The following TBCEL variants were observed in gnomAD, a reference collection of about 807,000 sequenced individuals.
The protein encoded by TBCEL is tubulin folding cofactor E like, also known as tubulin-specific chaperone cofactor E-like protein.
TBCEL carries 15 observed loss-of-function variants against 44.2 expected under a neutral mutation model. The ratio of observed to expected loss-of-function variants is 0.34; its 90% CI spans 0.23 to 0.52. The LOEUF (loss-of-function observed/expected upper bound fraction) is 0.52, where lower values mean the gene tolerates loss of function less well. TBCEL is among the 20% of genes least tolerant of loss of function. The probability of loss-of-function intolerance (pLI) is 0.95; values close to 1 mark genes in which losing one functional copy is unlikely to be tolerated. For missense variants in TBCEL, 319 were observed against 506.3 expected, an observed-to-expected ratio of 0.63 and a Z score of 3.55; for synonymous variants, 171 against 185.4, an observed-to-expected ratio of 0.92 and a Z score of 0.63.
chr11:121,078,105 G>A (rs906607890), intron 8 of TBCEL, among the ~76,000 whole-genome samples: 1 of 151,974 alleles, frequency 6.6e-6, no homozygotes, highest in African/African-American at 2.4e-5. Context: ...TTCTGATATT[G>A]TTGGTGGGCA....
rs1377656481 is a variant in TBCEL, at chr11:121,051,952, C to T, written c.274-1599C>T. On this transcript the variant is annotated intron_variant, in intron 4 of 8. Coordinates refer to ENST00000683345, the MANE Select transcript of TBCEL (RefSeq NM_001363644.2). ...GTACAGATTACTTTTTCTTTCTACC[C>T]ATGGTTCTCCCTCCTGGATACTCTT... 2.6e-5 allele frequency among the ~76,000 whole-genome samples: 4 copies of T among 151,830 alleles called. No individual in the cohort carries two copies. The East Asian group carries it at 7.8e-4, about 29-fold the overall frequency.
At chr11:121,059,202 A>G (rs1945675294) in intron 7 of TBCEL, among the ~76,000 whole-genome samples, 1 of 152,004 alleles carries the variant, frequency 6.6e-6, no homozygotes, top group African/African-American at 2.4e-5. Flanking sequence ...TCTAATGCTT[A>G]GCAGATCCTT....
chr11:121,047,930 T>TA, intron 4 of TBCEL: 1 of 172,640 alleles, frequency 5.8e-6, no homozygotes, highest in Non-Finnish European at 1.1e-5. Flanking sequence ...AACCCATCTT[T>TA]AATTTAAAAA....
intron 2 of TBCEL, among the ~76,000 whole-genome samples, chr11:121,040,176 T>C (rs1320858308): frequency 6.6e-6 from 1 of 152,160 alleles, no homozygotes; most frequent in African/African-American, 2.4e-5. Context: ...CCTTTTTTAA[T>C]CTCTACAGTC....
intron 4 of TBCEL, among the ~76,000 whole-genome samples, chr11:121,051,117 A>G (rs1945520924): frequency 6.6e-6 from 1 of 151,494 alleles, no homozygotes; most frequent in Non-Finnish European, 1.5e-5. Flanking sequence ...AACATTTGTT[A>G]TTTTTCCTGC....
chr11:121,033,916 A>G (rs538050787), intron 1 of TBCEL, among the ~76,000 whole-genome samples: 2 of 151,100 alleles, frequency 1.3e-5, no homozygotes, highest in African/African-American at 4.9e-5. Flanking sequence ...GTTCTAGCTT[A>G]TTTCATTTAG....
chr11:121,074,414 A>G (rs1297869456), intron 8 of TBCEL, among the ~76,000 whole-genome samples: 1 of 151,944 alleles, frequency 6.6e-6, no homozygotes, highest in Non-Finnish European at 1.5e-5. Flanking sequence ...TTTCTTTTTC[A>G]TTTAACCATA....
At chr11:121,067,077 T>G (rs1012058096) in intron 8 of TBCEL, among the ~76,000 whole-genome samples, 7 of 152,194 alleles carry the variant, frequency 4.6e-5, no homozygotes, top group Non-Finnish European at 8.8e-5. Context: ...ATGAAATAGC[T>G]CTAATTAACT....
Position 121,090,481 on chromosome 11 carries a change from C to G in TBCEL, c.*3385C>G, listed in dbSNP as rs538885272. Reference sequence around the variant, plus strand: ...TTTCATGTCATATTGAAAATGCAAACAAACTGCTCTCAAGAACACCCAGAA... The same window carrying G: ...TTTCATGTCATATTGAAAATGCAAAGAAACTGCTCTCAAGAACACCCAGAA... On this transcript the variant is annotated 3_prime_UTR_variant, in exon 9 of 9. Coordinates refer to ENST00000683345, the MANE Select transcript of TBCEL (RefSeq NM_001363644.2). The G allele has an allele frequency of 1.3e-5, 2 of 152,056 alleles. No homozygotes were observed. The highest frequency in any genetic ancestry group is 3.9e-4 in the East Asian group (2 of 5,190). The allele number at this position is 152,056 out of a possible 1,614,324, so 9.4% of individuals were successfully genotyped here.
chr11:121,079,116 A>G (rs1402017171), intron 8 of TBCEL, among the ~76,000 whole-genome samples: 1 of 152,248 alleles, frequency 6.6e-6, no homozygotes. Context: ...TACTAAATTC[A>G]CTTCAAGATA....
At chr11:121,051,513 C>T (rs1412819192) in intron 4 of TBCEL, among the ~76,000 whole-genome samples, 2 of 151,650 alleles carry the variant, frequency 1.3e-5, no homozygotes, top group African/African-American at 4.8e-5. Flanking sequence ...GAAAGTTCTT[C>T]GTATCGGTAT....
At position 121,090,012 on chromosome 11, in the gene TBCEL, A is replaced by T. The variant is rs181709069; in HGVS notation, c.*2916A>T. On this transcript the variant is annotated 3_prime_UTR_variant, in exon 9 of 9. Coordinates refer to ENST00000683345, the MANE Select transcript of TBCEL (RefSeq NM_001363644.2). ...ATCCTAGATTGCTTTAATGGAAAAAATCCAGAGTCACATATCTTTTTTATT... is the reference window on the plus strand; with the variant it reads ...ATCCTAGATTGCTTTAATGGAAAAATTCCAGAGTCACATATCTTTTTTATT... 6.6e-6 allele frequency: 1 copy of T among 152,194 alleles called. No homozygotes were observed. Among genetic ancestry groups the T allele is most frequent in the Non-Finnish European group, 1.5e-5 (1 of 68,032 alleles). 9.4% of individuals were successfully genotyped at this position (152,194 alleles called of 1,614,324 possible).
At chr11:121,064,535 A>G (rs115790919) in intron 8 of TBCEL, among the ~76,000 whole-genome samples, 317 of 152,278 alleles carry the variant, frequency 2.1e-3, no homozygotes, top group African/African-American at 7.1e-3. Flanking sequence ...TGGCCTTGCT[A>G]TTTATATAAT....
intron 4 of TBCEL, among the ~76,000 whole-genome samples, chr11:121,051,687 C>G (rs890592629): frequency 2.0e-5 from 3 of 151,702 alleles, no homozygotes; most frequent in African/African-American, 7.3e-5. Context: ...GGTATAAATT[C>G]CTTACACTTT....
At chr11:121,078,188 C>T (rs574401039) in intron 8 of TBCEL, among the ~76,000 whole-genome samples, 28 of 151,946 alleles carry the variant, frequency 1.8e-4, no homozygotes, top group African/African-American at 5.1e-4. Context: ...TTCTGTCTGC[C>T]GGTTTTATCA....
chr11:121,075,262 T>C (rs1280602873), intron 8 of TBCEL, among the ~76,000 whole-genome samples: 3 of 151,842 alleles, frequency 2.0e-5, no homozygotes, highest in African/African-American at 7.3e-5. Flanking sequence ...TTTCCTGATT[T>C]CTGAAAAAGG....
rs1005999752 is a variant in TBCEL, at chr11:121,089,581, C to T, written c.*2485C>T. The T allele has an allele frequency of 3.9e-5, 6 of 152,120 alleles. No individual in the cohort carries two copies. Among genetic ancestry groups the T allele is most frequent in the African/African-American group, 1.4e-4 (6 of 41,420 alleles). The allele number at this position is 152,120 out of a possible 1,614,324, so 9.4% of individuals were successfully genotyped here. Reference sequence around the variant, plus strand: ...TTTGGGTGGCTGAGAAAAGATGCTGCTTTTGAAATAAAATTGGTGCTGTGT... The same window carrying T: ...TTTGGGTGGCTGAGAAAAGATGCTGTTTTTGAAATAAAATTGGTGCTGTGT... On this transcript the variant is annotated 3_prime_UTR_variant, in exon 9 of 9. Coordinates refer to ENST00000683345, the MANE Select transcript of TBCEL (RefSeq NM_001363644.2).
rs376097465 is a variant in TBCEL at position 121,045,778 on chromosome 11, A to G, written c.88A>G (p.Met30Val). ...ENFPYRRGPGMGVHVPATPQG... is the reference protein window; with the variant it reads ...ENFPYRRGPGVGVHVPATPQG... ...TTTTCCTTATCGCCGTGGCCCGGGGATGGGAGTCCATGTCCCAGCCACACC... is the reference window on the plus strand; with the variant it reads ...TTTTCCTTATCGCCGTGGCCCGGGGGTGGGAGTCCATGTCCCAGCCACACC... Residue 30 changes from methionine (M) to valine (V), a missense_variant, in exon 3 of 9, where the codon ATG becomes GTG. Met to Val is a conservative substitution (Grantham distance 21). Coordinates refer to ENST00000683345, the MANE Select transcript of TBCEL (RefSeq NM_001363644.2). 8 of 1,611,304 alleles carry G rather than the reference A, an allele frequency of 5.0e-6. No individual in the cohort carries two copies. Among genetic ancestry groups the G allele is most frequent in the Non-Finnish European group, 5.9e-6 (7 of 1,179,036 alleles).
chr11:121,043,154 C>T (rs1490129416), intron 2 of TBCEL, among the ~76,000 whole-genome samples: 4 of 151,814 alleles, frequency 2.6e-5, no homozygotes, highest in Non-Finnish European at 5.9e-5. Context: ...ATTATGTAGT[C>T]AGAACTGGGT....
Sources: gnomAD v4.1 joint callset for allele counts (sites outside exome capture counted in the v4.1 genomes callset) on GRCh38, gnomAD v4.1.1 for gene constraint, MANE v1.5 for transcripts, NCBI Gene and HGNC (gene_info 2026-07-23, HGNC 2026-07-21) for gene names.